Variants in LAMA3 observed in about 807,000 individuals in gnomAD.
LAMA3 encodes the protein laminin subunit alpha 3.
A neutral mutation model predicts 402.0 loss-of-function variants in LAMA3; 281 were observed. That is an observed-to-expected ratio of 0.70 (90% CI 0.63 to 0.77). The LOEUF is 0.77. LAMA3 is among the 30% of genes least tolerant of loss of function. LAMA3 has a pLI of 0.00. For missense variants in LAMA3, 3,840 were observed against 4,215.5 expected (o/e 0.91, Z 2.47); for synonymous variants, 1,431 against 1,558.4 (o/e 0.92, Z 1.93).
intron 2 of LAMA3, among the ~76,000 whole-genome samples, chr18:23,734,070 C>T (rs79709429): frequency 6.6e-6 from 1 of 152,224 alleles, no homozygotes; most frequent in Non-Finnish European, 1.5e-5. Flanking sequence ...CCATGGCCAG[C>T]GTGGGACACG....
Position 23,839,916 on chromosome 18 carries a change from T to C in LAMA3, c.3323T>C (p.Leu1108Ser), listed in dbSNP as rs765480398. 6.2e-7 allele frequency: 1 copy of C among 1,614,204 alleles called. No individual in the cohort carries two copies. Among genetic ancestry groups the C allele is most frequent in the South Asian group, 1.1e-5 (1 of 91,080 alleles). ...PSVDVLPGVTLKAPQNQVTLR... is the reference protein window; with the variant it reads ...PSVDVLPGVTSKAPQNQVTLR... Reference sequence around the variant, plus strand: ...GTTGATGTTCTTCCTGGGGTCACCTTGAAGGCACCGCAGGTAGTGTGCTGT... The same window carrying C: ...GTTGATGTTCTTCCTGGGGTCACCTCGAAGGCACCGCAGGTAGTGTGCTGT... Residue 1108 changes from leucine to serine, a missense_variant, in exon 27 of 75, where the codon TTG (leucine) becomes TCG (serine). This residue lies in a region of LAMA3 where 2,109 missense variants were observed against 2,376.0 expected (regional missense o/e 0.89). Transcript: ENST00000313654. The surrounding 1 kb of genome is among the most constrained non-coding windows in gnomAD (Gnocchi z 4.5).
intron 2 of LAMA3, among the ~76,000 whole-genome samples, chr18:23,737,967 T>C (rs1455189829): frequency 6.6e-6 from 1 of 152,180 alleles, no homozygotes; most frequent in Non-Finnish European, 1.5e-5. Flanking sequence ...AGGCTTCAGT[T>C]TGGGTCACGC....
intron 12 of LAMA3, among the ~76,000 whole-genome samples, chr18:23,794,911 CATT>C (rs1275120530): frequency 6.6e-6 from 1 of 152,204 alleles, no homozygotes; most frequent in Non-Finnish European, 1.5e-5. Context: ...AAACTCTCGA[CATT>C]ATTTTCACAA....
Position 23,799,577 on chromosome 18 carries a change from T to C in LAMA3, c.1604-10789T>C, listed in dbSNP as rs180948725. On this transcript the variant is annotated intron_variant, in intron 12 of 74. Coordinates refer to ENST00000313654, the MANE Select transcript of LAMA3 (RefSeq NM_198129.4). ...AGTGTCTGTGTCACCCACATTATGCTGTGGAGCTGCCACCACTGCGCTCCA... is the reference window on the plus strand; with the variant it reads ...AGTGTCTGTGTCACCCACATTATGCCGTGGAGCTGCCACCACTGCGCTCCA... Among the ~76,000 whole-genome samples, 483 of 152,332 alleles carry C rather than the reference T, an allele frequency of 3.2e-3. 3 individuals carry two copies. The highest frequency in any genetic ancestry group is 4.7e-3 in the Non-Finnish European group (322 of 68,026).
In LAMA3 at chr18:23,881,994, G is replaced by A. The variant is rs2064912061; in HGVS notation, c.5171G>A (p.Gly1724Asp). 4 of 1,614,126 alleles carry A rather than the reference G, an allele frequency of 2.5e-6. No homozygotes were observed. Among genetic ancestry groups the A allele is most frequent in the Non-Finnish European group, 3.4e-6 (4 of 1,179,998 alleles). The change falls in exon 40 of 75, where the codon GGC becomes GAC. Residue 1724 changes from glycine (G) to aspartate (D), a missense_variant. Around this residue, in one of 3 missense-constraint regions of LAMA3, gnomAD observed 2,109 missense variants for 2,376.0 expected, o/e 0.89. Transcript: ENST00000313654. ...GAACGCTGCCAGGAGGGCTACTATGGCAACGCCGTCCACGGATCCTGCAGG... is the reference window on the plus strand; with the variant it reads ...GAACGCTGCCAGGAGGGCTACTATGACAACGCCGTCCACGGATCCTGCAGG... ...HCERCQEGYYGNAVHGSCRAC... is the reference protein window; with the variant it reads ...HCERCQEGYYDNAVHGSCRAC...
At position 23,813,092 on chromosome 18, in the gene LAMA3, A is replaced by C. The variant is rs1446664026; in HGVS notation, c.1777A>C (p.Asn593His). Reference protein sequence around the residue: ...SSACDPAGTINSNLGYCQCKL... With the variant: ...SSACDPAGTIHSNLGYCQCKL... ...TGCTTGTGACCCAGCTGGTACCATC[A>C]ACTCCAATTTGGTAAGTAGACTATA... Residue 593 changes from asparagine (N) to histidine (H), a missense_variant, in exon 14 of 75, where the codon AAC becomes CAC. Physicochemically the swap from Asn to His is moderately conservative, Grantham distance 68 (BLOSUM62 1). Transcript: ENST00000313654. 6 of 1,607,746 alleles carry C rather than the reference A, an allele frequency of 3.7e-6. No homozygotes were observed. The South Asian group carries it at 6.6e-5, about 18-fold the overall frequency.
At chr18:23,710,945 A>C (rs996456639) in intron 1 of LAMA3, among the ~76,000 whole-genome samples, 3 of 152,186 alleles carry the variant, frequency 2.0e-5, no homozygotes, top group African/African-American at 7.2e-5. Flanking sequence ...TGTTTAACTT[A>C]AGCTTGTGGA....
intron 24 of LAMA3, 42 bp from the exon 25 acceptor site, chr18:23,836,939 A>C (rs776890920): frequency 2.1e-6 from 3 of 1,418,074 alleles, no homozygotes; most frequent in Middle Eastern, 4.5e-4. Flanking sequence ...AATGAGGGAG[A>C]TGCCGGGAGT....
chr18:23,927,662 C>T (rs1476432615), intron 62 of LAMA3, among the ~76,000 whole-genome samples: 3 of 152,100 alleles, frequency 2.0e-5, no homozygotes, highest in African/African-American at 7.2e-5. Flanking sequence ...GCTAACTTAA[C>T]AGTGAACAGA....
chr18:23,892,909 A>G (rs904770971), intron 42 of LAMA3, among the ~76,000 whole-genome samples: 1 of 150,570 alleles, frequency 6.6e-6, no homozygotes, highest in Admixed American at 6.6e-5. Context: ...GTCTCAAAAA[A>G]AAAAAAAAAA....
At chr18:23,799,306 C>T (rs2144169069) in intron 12 of LAMA3, among the ~76,000 whole-genome samples, 1 of 152,236 alleles carries the variant, frequency 6.6e-6, no homozygotes, top group East Asian at 1.9e-4. Context: ...AAAGAAAGAG[C>T]AGAATTGAAA....
chr18:23,746,884 A>G, intron 2 of LAMA3, among the ~76,000 whole-genome samples: 1 of 144,276 alleles, frequency 6.9e-6, no homozygotes, highest in South Asian at 2.2e-4. Context: ...TCTCAGACTT[A>G]AAAAAAAAAA....
At chr18:23,939,470 C>A in intron 68 of LAMA3, 84 bp downstream of exon 68, 1 of 1,361,454 alleles carries the variant, frequency 7.3e-7, no homozygotes, top group African/African-American at 1.4e-5. Context: ...TGCCATGACA[C>A]CATGCAGCTC....
chr18:23,701,126 C>G lies in LAMA3; in HGVS notation c.294+11149C>G, dbSNP rs961869892. Among the ~76,000 whole-genome samples the G allele has an allele frequency of 2.0e-5, 3 of 152,266 alleles. No individual in the cohort carries two copies. The South Asian group carries it at 6.2e-4, about 32-fold the overall frequency. ...GATTAGGAGAATGAGGCATTGTTGC[C>G]TGGGAAACCTCTTTTTGAATGGAAA... is the stretch of plus-strand genomic sequence containing the variant. On this transcript the variant is annotated intron_variant, in intron 1 of 74. Transcript: ENST00000313654.
rs577058824 is a variant in LAMA3 at position 23,740,530 on chromosome 18, T to TA, written c.448-7412dup. 3.9e-5 allele frequency among the ~76,000 whole-genome samples: 6 copies of TA among 152,254 alleles called. No homozygotes were observed. In the East Asian group the frequency reaches 1.2e-3, roughly 29 times the overall value. Reference sequence around the variant, plus strand: ...TTCTCAGGCTCCTGTGGTTCTTTTATATTAGAAAGTGAGACACTCTCTCTT... The same window carrying TA: ...TTCTCAGGCTCCTGTGGTTCTTTTATAATTAGAAAGTGAGACACTCTCTCTT... On this transcript the variant is annotated intron_variant, in intron 2 of 74. Coordinates refer to ENST00000313654, the MANE Select transcript of LAMA3 (RefSeq NM_198129.4).
chr18:23,818,150 G>A (rs4800514), intron 18 of LAMA3, among the ~76,000 whole-genome samples: 104,935 of 152,068 alleles, frequency 0.69, 36,487 homozygotes, highest in East Asian at 0.82. Context: ...GTGAGACTCC[G>A]TCTTAAAAAA....
At chr18:23,941,968 A>T (rs2082537738) in intron 68 of LAMA3, among the ~76,000 whole-genome samples, 1 of 152,232 alleles carries the variant, frequency 6.6e-6, no homozygotes, top group Admixed American at 6.5e-5. Flanking sequence ...AATATTGAGC[A>T]GTGTTACCAT....
intron 29 of LAMA3, 121 bp downstream of exon 29, chr18:23,842,871 T>C: frequency 7.6e-7 from 1 of 1,309,898 alleles, no homozygotes; most frequent in Non-Finnish European, 1.1e-6. Context: ...TGTAGAAAAA[T>C]GTTTAAATTT....
At chr18:23,848,645 G>A (rs1026843193) in intron 32 of LAMA3, among the ~76,000 whole-genome samples, 10 of 152,318 alleles carry the variant, frequency 6.6e-5, no homozygotes, top group Middle Eastern at 3.4e-3. Context: ...AGAGCCAAGA[G>A]GGCCTATGGC....
Sources: gnomAD v4.1 joint callset for allele counts (sites outside exome capture counted in the v4.1 genomes callset) on GRCh38, gnomAD v4.1.1 for gene constraint, gnomAD v4.1.1 regional missense constraint, Gnocchi (gnomAD v3.1) non-coding constraint, MANE v1.5 for transcripts, NCBI Gene and HGNC (gene_info 2026-07-23, HGNC 2026-07-21) for gene names.